The following SSBP1 variants were observed in gnomAD, a reference collection of about 807,000 sequenced individuals.
SSBP1 encodes single stranded DNA binding protein 1.
SSBP1 carries 20 observed loss-of-function variants against 27.0 expected under a neutral mutation model. The observed-to-expected ratio is 0.74, with a 90% CI of 0.52 to 1.08. SSBP1 has a LOEUF of 1.08. Ranked by LOEUF, SSBP1 falls within the 50% of genes least tolerant of loss-of-function variation. SSBP1 has a pLI of 0.00. For synonymous variants in SSBP1, 59 were observed against 59.3 expected, an observed-to-expected ratio of 1.00 and a Z score of 0.02; for missense variants, 137 against 182.4, an observed-to-expected ratio of 0.75 and a Z score of 1.44.
intron 6 of SSBP1, among the ~76,000 whole-genome samples, chr7:141,749,857 G>A (rs192980410): frequency 1.8e-4 from 28 of 152,256 alleles, no homozygotes; most frequent in Non-Finnish European, 3.1e-4. Context: ...AGTTAAAAAC[G>A]TAAGTAAATC....
rs1271762231 is a variant in SSBP1, at chr7:141,743,676, A to G, written c.201A>G (p.Ser67=). Residue 67 remains serine, a synonymous_variant, in exon 4 of 7, where the codon TCA becomes TCG. Transcript: ENST00000265304. ...TAGCAACTAATGAGATGTGGCGATC[A>G]GGGGATAGTGAAGTTTACCAACTGG... ...FSLATNEMWR[S]GDSEVYQLGD... 4 of 1,614,096 alleles carry G rather than the reference A, an allele frequency of 2.5e-6. No individual in the cohort carries two copies. Among genetic ancestry groups the G allele is most frequent in the African/African-American group, 2.7e-5 (2 of 74,934 alleles).
At chr7:141,742,916 G>A (rs979186538) in intron 3 of SSBP1, among the ~76,000 whole-genome samples, 18 of 152,184 alleles carry the variant, frequency 1.2e-4, no homozygotes, top group East Asian at 9.7e-4. Flanking sequence ...GTGCAGTGGC[G>A]CGGTCTCCGC....
At chr7:141,740,926 A>C (rs940865961) in intron 2 of SSBP1, 14 of 152,218 alleles carry the variant, frequency 9.2e-5, no homozygotes, top group African/African-American at 3.4e-4. Context: ...AATTCCTTTT[A>C]AGGTCTGAAG....
intron 6 of SSBP1, among the ~76,000 whole-genome samples, chr7:141,746,678 A>AT (rs1563029733): frequency 6.6e-6 from 1 of 152,226 alleles, no homozygotes; most frequent in Admixed American, 6.5e-5. Flanking sequence ...ACAGTACAAC[A>AT]TAGAAAAGAT....
At chr7:141,744,217 G>C (rs1799679459) in intron 5 of SSBP1, among the ~76,000 whole-genome samples, 1 of 152,260 alleles carries the variant, frequency 6.6e-6, no homozygotes, top group Non-Finnish European at 1.5e-5. Context: ...AGAACTTACA[G>C]TTTAGGGCAA....
intron 5 of SSBP1, among the ~76,000 whole-genome samples, chr7:141,744,602 A>G (rs1799699822): frequency 6.6e-6 from 1 of 152,220 alleles, no homozygotes; most frequent in Non-Finnish European, 1.5e-5. Flanking sequence ...TTAGAAATGT[A>G]CTTGTTTTGT....
At chr7:141,746,500 A>G (rs1363581499) in intron 6 of SSBP1, 2 of 152,168 alleles carry the variant, frequency 1.3e-5, no homozygotes, top group East Asian at 1.9e-4. Context: ...GTACACCATC[A>G]TGCCTGGCTA....
At chr7:141,749,188 G>A (rs1167851437) in intron 6 of SSBP1, among the ~76,000 whole-genome samples, 1 of 152,144 alleles carries the variant, frequency 6.6e-6, no homozygotes, top group African/African-American at 2.4e-5. Context: ...CCTTGTATTA[G>A]ATATTGTAAG....
intron 1 of SSBP1, chr7:141,738,868 G>A (rs748313479): frequency 1.8e-5 from 6 of 336,352 alleles, no homozygotes; most frequent in Non-Finnish European, 3.2e-5. Flanking sequence ...ATTGGAAGTG[G>A]GATTAACTCA....
At chr7:141,743,839 T>C in intron 4 of SSBP1, 63 bp from the exon 5 acceptor site, 1 of 1,564,698 alleles carries the variant, frequency 6.4e-7, no homozygotes, top group Non-Finnish European at 8.7e-7. Context: ...AATCGTGACA[T>C]TGGTTTTCCT....
At chr7:141,744,123 T>G (rs537459391) in intron 5 of SSBP1, 134 bp downstream of exon 5, 1 of 729,044 alleles carries the variant, frequency 1.4e-6, no homozygotes, top group South Asian at 2.0e-5. Flanking sequence ...AAGAGGTATT[T>G]ACTAAGTCCT....
intron 3 of SSBP1, among the ~76,000 whole-genome samples, chr7:141,743,117 T>A (rs1033939662): frequency 3.3e-5 from 5 of 152,236 alleles, no homozygotes; most frequent in African/African-American, 1.2e-4. Flanking sequence ...CCTCCCAAAG[T>A]GCTGGGATTA....
At chr7:141,747,749 A>C (rs1277992620) in intron 6 of SSBP1, among the ~76,000 whole-genome samples, 3 of 151,346 alleles carry the variant, frequency 2.0e-5, no homozygotes, top group Admixed American at 6.6e-5. Context: ...CTGTAATCCC[A>C]GGCCTTTGGG....
At position 141,743,750 on chromosome 7, in the gene SSBP1, T is replaced by C. The variant is rs1349916293; in HGVS notation, c.226+49T>C. On this transcript the variant is annotated intron_variant, in intron 4 of 6. Transcript: ENST00000265304. ...TAATTTTATCAGCAATAAATAGATA[T>C]TATTTATTGCCAGTTATCTAATTTA... The C allele has an allele frequency of 1.5e-5, 23 of 1,582,482 alleles. No individual in the cohort carries two copies. The East Asian group carries it at 1.8e-4, about 12-fold the overall frequency.
chr7:141,744,739 TACAC>T (rs994697082), intron 5 of SSBP1, among the ~76,000 whole-genome samples: 7 of 152,302 alleles, frequency 4.6e-5, no homozygotes, highest in East Asian at 1.9e-4. Flanking sequence ...TATGTGCACA[TACAC>T]ACACAAACAC....
chr7:141,750,463 G>T lies in SSBP1; in HGVS notation c.*109G>T, dbSNP rs543111525. 40 of 903,836 alleles carry T rather than the reference G, an allele frequency of 4.4e-5. No homozygotes were observed. The highest frequency in any genetic ancestry group is 1.9e-5 in the South Asian group (1 of 53,046). The allele number at this position is 903,836 out of a possible 1,614,324, so 56.0% of individuals were successfully genotyped here. ...ATTAAAATACTCTTTTACGTAAAATGAGTAATAATCTTTTTTCTGACTGTC... is the reference window on the plus strand; with the variant it reads ...ATTAAAATACTCTTTTACGTAAAATTAGTAATAATCTTTTTTCTGACTGTC... On this transcript the variant is annotated 3_prime_UTR_variant, in exon 7 of 7. Coordinates refer to ENST00000265304, the MANE Select transcript of SSBP1 (RefSeq NM_003143.3).
chr7:141,743,528 G>A, intron 3 of SSBP1, 33 bp from the exon 4 acceptor site: 2 of 1,611,706 alleles, frequency 1.2e-6, no homozygotes, highest in Non-Finnish European at 8.5e-7. Context: ...TCTATAGCAG[G>A]TTGTCTCATT....
At chr7:141,739,241 G>T (rs770438476) in intron 2 of SSBP1, 51 bp downstream of exon 2, 3 of 1,476,426 alleles carry the variant, frequency 2.0e-6, no homozygotes, top group Middle Eastern at 1.8e-4. Context: ...CAGCCACAGT[G>T]ATCAGAAGAC....
chr7:141,750,365 T>G lies in SSBP1; in HGVS notation c.*11T>G. On this transcript the variant is annotated 3_prime_UTR_variant, in exon 7 of 7. Coordinates refer to ENST00000265304, the MANE Select transcript of SSBP1 (RefSeq NM_003143.3). Reference sequence around the variant, plus strand: ...AAAGAGAAGGAGTAGAAAGGATGATTCTTCTTTGGCCATCATTTGGTACAG... The same window carrying G: ...AAAGAGAAGGAGTAGAAAGGATGATGCTTCTTTGGCCATCATTTGGTACAG... 2 of 1,595,510 alleles carry G rather than the reference T, an allele frequency of 1.3e-6. No homozygotes were observed. The highest frequency in any genetic ancestry group is 1.4e-5 in the African/African-American group (1 of 73,338).
Sources: gnomAD v4.1 joint callset for allele counts (sites outside exome capture counted in the v4.1 genomes callset) on GRCh38, gnomAD v4.1.1 for gene constraint, MANE v1.5 for transcripts, NCBI Gene and HGNC (gene_info 2026-07-23, HGNC 2026-07-21) for gene names.